Variants in NEK11 observed in about 807,000 individuals in gnomAD.
NEK11 encodes serine/threonine-protein kinase Nek11.
A neutral mutation model predicts 80.7 loss-of-function variants in NEK11; 72 were observed. The ratio of observed to expected loss-of-function variants is 0.89; its 90% CI spans 0.74 to 1.08. NEK11 has a LOEUF of 1.08. Among genes scored for constraint, NEK11 ranks in the 50% least tolerant of loss-of-function variants. NEK11 has a pLI of 0.00. For synonymous variants in NEK11, 251 were observed against 260.7 expected (o/e 0.96, Z 0.36); for missense variants, 764 against 763.6 (o/e 1.00, Z -0.01).
At chr3:131,117,756 A>G (rs1472074505) in intron 5 of NEK11, among the ~76,000 whole-genome samples, 1 of 152,206 alleles carries the variant, frequency 6.6e-6, no homozygotes, top group African/African-American at 2.4e-5. Flanking sequence ...ATGGGAATTC[A>G]TTCATGATTT....
intron 16 of NEK11, among the ~76,000 whole-genome samples, chr3:131,246,138 A>G (rs2095599402): frequency 6.6e-6 from 1 of 152,076 alleles, no homozygotes; most frequent in African/African-American, 2.4e-5. Context: ...TTTGGGGAAC[A>G]GTTGGTGTTT....
chr3:131,177,615 C>G (rs951583437), intron 14 of NEK11, among the ~76,000 whole-genome samples: 1 of 152,182 alleles, frequency 6.6e-6, no homozygotes, highest in Non-Finnish European at 1.5e-5. Flanking sequence ...GACTAATCTC[C>G]CTGATCATTT....
intron 14 of NEK11, among the ~76,000 whole-genome samples, chr3:131,173,658 C>T (rs549718990): frequency 6.6e-6 from 1 of 151,756 alleles, no homozygotes; most frequent in South Asian, 2.1e-4. Flanking sequence ...GTCAAAGGAA[C>T]TGGACTTTCA....
At chr3:131,251,237 G>T (rs146032825) in intron 16 of NEK11, among the ~76,000 whole-genome samples, 12 of 151,142 alleles carry the variant, frequency 7.9e-5, no homozygotes, top group Admixed American at 2.6e-4. Context: ...GTTGAATATG[G>T]TTGACTTTGG....
intron 16 of NEK11, among the ~76,000 whole-genome samples, chr3:131,269,663 T>C (rs1210134235): frequency 2.6e-5 from 4 of 151,544 alleles, no homozygotes; most frequent in Admixed American, 2.6e-4. Context: ...TGACTGGAGC[T>C]GTTCCTATTC....
chr3:131,331,560 C>T (rs557971862), intron 17 of NEK11, among the ~76,000 whole-genome samples: 7 of 152,342 alleles, frequency 4.6e-5, no homozygotes, highest in African/African-American at 1.7e-4. Context: ...TCTGCATTTC[C>T]ATCTGAGGTA....
chr3:131,318,968 C>T (rs969708167), intron 17 of NEK11, among the ~76,000 whole-genome samples: 1 of 151,790 alleles, frequency 6.6e-6, no homozygotes, highest in Non-Finnish European at 1.5e-5. Flanking sequence ...ATTCCAAAAA[C>T]ATCATTAATT....
At chr3:131,186,064 C>CTAA (rs2093589002) in intron 14 of NEK11, among the ~76,000 whole-genome samples, 1 of 152,088 alleles carries the variant, frequency 6.6e-6, no homozygotes, top group Admixed American at 6.6e-5. Context: ...AGAAAGTACA[C>CTAA]AGCAATTTTT....
chr3:131,059,204 A>G (rs1394640332), intron 3 of NEK11, among the ~76,000 whole-genome samples: 1 of 152,178 alleles, frequency 6.6e-6, no homozygotes, highest in African/African-American at 2.4e-5. Flanking sequence ...ATTTTGAGGT[A>G]CTTTTATCTG....
At chr3:131,255,995 C>T (rs1004114123) in intron 16 of NEK11, among the ~76,000 whole-genome samples, 1 of 152,102 alleles carries the variant, frequency 6.6e-6, no homozygotes, top group African/African-American at 2.4e-5. Flanking sequence ...GAGGGCTGTC[C>T]AATTCATAAA....
chr3:131,092,768 C>T (rs558193693), intron 4 of NEK11: 1 of 152,236 alleles, frequency 6.6e-6, no homozygotes, highest in South Asian at 2.1e-4. Context: ...CAAAAGATGC[C>T]CATTTAGAGT....
chr3:131,140,941 T>A (rs1054109337), intron 7 of NEK11, among the ~76,000 whole-genome samples: 3 of 152,176 alleles, frequency 2.0e-5, no homozygotes, highest in African/African-American at 7.2e-5. Context: ...TTCCCATGAT[T>A]CAGTGGTATG....
At chr3:131,193,926 T>C (rs1311604294) in intron 14 of NEK11, among the ~76,000 whole-genome samples, 1 of 152,218 alleles carries the variant, frequency 6.6e-6, no homozygotes. Context: ...TGCAATTGCC[T>C]GATAAATAAT....
intron 3 of NEK11, among the ~76,000 whole-genome samples, chr3:131,060,379 T>A (rs552980559): frequency 6.6e-6 from 1 of 152,228 alleles, no homozygotes; most frequent in Admixed American, 6.5e-5. Flanking sequence ...GTTGCTTTTT[T>A]CATCGAGGCA....
intron 14 of NEK11, among the ~76,000 whole-genome samples, chr3:131,212,486 A>T (rs2094666109): frequency 6.6e-6 from 1 of 152,012 alleles, no homozygotes; most frequent in South Asian, 2.1e-4. Flanking sequence ...TCAGATCTCA[A>T]ACTCCGTGCT....
At chr3:131,169,818 T>A (rs2092556944) in intron 13 of NEK11, among the ~76,000 whole-genome samples, 1 of 152,200 alleles carries the variant, frequency 6.6e-6, no homozygotes, top group Non-Finnish European at 1.5e-5. Context: ...TCCAAATACA[T>A]ACTTATTTTC....
intron 1 of NEK11, chr3:131,027,315 C>G (rs532898039): frequency 9.2e-5 from 14 of 152,028 alleles, no homozygotes; most frequent in African/African-American, 3.1e-4. Flanking sequence ...AATTGCCTTC[C>G]TCTTATTACC....
At chr3:131,320,813 C>T (rs1186211574) in intron 17 of NEK11, among the ~76,000 whole-genome samples, 1 of 152,036 alleles carries the variant, frequency 6.6e-6, no homozygotes, top group Non-Finnish European at 1.5e-5. Context: ...AATATCTCTA[C>T]AGAGAGAACT....
intron 16 of NEK11, among the ~76,000 whole-genome samples, chr3:131,249,005 G>C (rs142692387): frequency 6.5e-4 from 98 of 151,510 alleles, no homozygotes; most frequent in African/African-American, 2.1e-3. Context: ...TTTCTAGGCT[G>C]GGTGTTTTTT....
Sources: gnomAD v4.1 joint callset for allele counts (sites outside exome capture counted in the v4.1 genomes callset) on GRCh38, gnomAD v4.1.1 for gene constraint, MANE v1.5 for transcripts, NCBI Gene and HGNC (gene_info 2026-07-23, HGNC 2026-07-21) for gene names.